VTCN1: variants seen among roughly 807,000 people sequenced by gnomAD.
The protein encoded by VTCN1 is V-set domain-containing T-cell activation inhibitor 1.
Under a neutral mutation model 26.5 loss-of-function variants are expected in VTCN1, and 26 were observed. That is an observed-to-expected ratio of 0.98 (90% confidence interval 0.72 to 1.36). The LOEUF is 1.36. Ranked by LOEUF, VTCN1 falls within the 40% of genes most tolerant of loss-of-function variation. The pLI is 0.00. For missense variants in VTCN1, 298 were observed against 337.7 expected (o/e 0.88, Z 0.92); for synonymous variants, 116 against 130.7 (o/e 0.89, Z 0.77).
rs1376205092 is a variant in VTCN1 at position 117,175,351 on chromosome 1, A to G, written c.33-5180T>C. On this transcript the variant is annotated intron_variant, in intron 1 of 5. Transcript: ENST00000369458. This position sits in a 1 kb window ranked among gnomAD's most constrained non-coding sequence, Gnocchi z 4.2. ...ACTTCAGGGGATATAAAAAATGCAC[A>G]GATATAATAAAATAAACACTCCCGC... is the stretch of plus-strand genomic sequence containing the variant. Among the ~76,000 whole-genome samples, 1 of 152,214 alleles carries G rather than the reference A, an allele frequency of 6.6e-6. No individual in the cohort carries two copies. The highest frequency in any genetic ancestry group is 2.4e-5 in the African/African-American group (1 of 41,448).
intron 1 of VTCN1, among the ~76,000 whole-genome samples, chr1:117,171,782 A>T (rs1379104375): frequency 1.3e-5 from 2 of 152,184 alleles, no homozygotes; most frequent in African/African-American, 4.8e-5. Flanking sequence ...ACACAGGGAG[A>T]TTAAGCATCT....
At chr1:117,199,876 C>CG (rs1345416415) in intron 1 of VTCN1, among the ~76,000 whole-genome samples, 3 of 152,092 alleles carry the variant, frequency 2.0e-5, no homozygotes, top group African/African-American at 7.2e-5. Flanking sequence ...CCTTGTGATC[C>CG]GCCCACCTCG....
intron 2 of VTCN1, among the ~76,000 whole-genome samples, chr1:117,163,709 T>C (rs1652479835): frequency 6.6e-6 from 1 of 152,176 alleles, no homozygotes; most frequent in African/African-American, 2.4e-5. Context: ...CCTGAGCCTA[T>C]GCCCTTTCTA....
intron 1 of VTCN1, among the ~76,000 whole-genome samples, chr1:117,192,778 A>G (rs1464987881): frequency 6.6e-6 from 1 of 152,166 alleles, no homozygotes; most frequent in Non-Finnish European, 1.5e-5. Context: ...ACAAAAGATA[A>G]AGAGAAATGA....
rs1652373826 is a variant in VTCN1, at chr1:117,161,599, G to C, written c.98-4678C>G. The stretch of plus-strand genomic sequence containing the variant: ...TAGTGCCTAGAGCTATGTTTCTGCA[G>C]AGAAAAATAATGTTTGCTGAGTTTA... On this transcript the variant is annotated intron_variant, in intron 2 of 5. Transcript: ENST00000369458. The surrounding 1 kb of genome is among the most constrained non-coding windows in gnomAD (Gnocchi z 4.3). Among the ~76,000 whole-genome samples, 1 of 152,118 alleles carries C rather than the reference G, an allele frequency of 6.6e-6. No homozygotes were observed. Among genetic ancestry groups the C allele is most frequent in the Non-Finnish European group, 1.5e-5 (1 of 68,014 alleles).
At chr1:117,171,568 T>A (rs116657627) in intron 1 of VTCN1, among the ~76,000 whole-genome samples, 4,954 of 152,306 alleles carry the variant, frequency 0.033, 271 homozygotes, top group African/African-American at 0.11. Context: ...TCCTCACCAA[T>A]TTTTAATGAA....
chr1:117,174,578 C>T (rs779241432), intron 1 of VTCN1, among the ~76,000 whole-genome samples: 1 of 152,138 alleles, frequency 6.6e-6, no homozygotes. Flanking sequence ...ACCAGCCCGG[C>T]CAACATGGTG....
intron 1 of VTCN1, among the ~76,000 whole-genome samples, chr1:117,173,027 C>A (rs1653006540): frequency 6.6e-6 from 1 of 152,160 alleles, no homozygotes; most frequent in Non-Finnish European, 1.5e-5. Flanking sequence ...TGCTGCTGCT[C>A]CCTCTTTGGG....
chr1:117,165,838 T>C (rs1486042233), intron 2 of VTCN1, among the ~76,000 whole-genome samples: 1 of 152,266 alleles, frequency 6.6e-6, no homozygotes, highest in Non-Finnish European at 1.5e-5. Context: ...CAATGTCTTA[T>C]ATATTAAACC....
intron 1 of VTCN1, among the ~76,000 whole-genome samples, chr1:117,208,112 A>T (rs182183585): frequency 1.7e-4 from 26 of 152,270 alleles, no homozygotes; most frequent in Non-Finnish European, 1.2e-4. Flanking sequence ...CACAAATCCC[A>T]GTTCTGAGTC....
intron 1 of VTCN1, among the ~76,000 whole-genome samples, chr1:117,176,063 C>G (rs777088792): frequency 1.1e-4 from 16 of 152,206 alleles, no homozygotes; most frequent in Admixed American, 2.0e-4. Context: ...AGCCACCATG[C>G]CTGGCCAGAG....
intron 2 of VTCN1, among the ~76,000 whole-genome samples, chr1:117,158,940 G>A (rs1349119490): frequency 6.6e-6 from 1 of 152,186 alleles, no homozygotes; most frequent in Admixed American, 6.5e-5. Flanking sequence ...CATAACAAGA[G>A]TCACCTTTAC....
chr1:117,158,220 T>C (rs1476371018), intron 2 of VTCN1, among the ~76,000 whole-genome samples: 7 of 152,206 alleles, frequency 4.6e-5, no homozygotes, highest in Non-Finnish European at 1.0e-4. Context: ...GGGGACTTTG[T>C]GTTGGGGCTC....
In VTCN1 at chr1:117,173,253, G is replaced by A. The variant is rs578127000; in HGVS notation, c.33-3082C>T. On this transcript the variant is annotated intron_variant, in intron 1 of 5. Coordinates refer to ENST00000369458, the MANE Select transcript of VTCN1 (RefSeq NM_024626.4). ...GAACCCACCAGAAGGAATAAATTCC[G>A]GACACAATTGCAGATGTAGTTAGTT... is the stretch of plus-strand genomic sequence containing the variant. 84 of 702,468 alleles carry A rather than the reference G, an allele frequency of 1.2e-4. 1 individual carries two copies. The highest frequency in any genetic ancestry group is 6.7e-4 in the African/African-American group (38 of 56,894). The allele number at this position is 702,468 out of a possible 1,614,324, so 43.5% of individuals were successfully genotyped here.
At chr1:117,208,241 G>A (rs1390471550) in intron 1 of VTCN1, among the ~76,000 whole-genome samples, 1 of 152,174 alleles carries the variant, frequency 6.6e-6, no homozygotes, top group Admixed American at 6.5e-5. Context: ...AACACACCAT[G>A]CTCATTCATG....
At chr1:117,170,426 T>C in intron 1 of VTCN1, 1 of 549,064 alleles carries the variant, frequency 1.8e-6, no homozygotes, top group Non-Finnish European at 3.5e-6. Flanking sequence ...ACTGTCCTAT[T>C]TCCAGATCAG....
At chr1:117,164,683 G>C (rs186744190) in intron 2 of VTCN1, among the ~76,000 whole-genome samples, 1 of 152,208 alleles carries the variant, frequency 6.6e-6, no homozygotes, top group Non-Finnish European at 1.5e-5. Flanking sequence ...TATACAGTTA[G>C]TGTGAGCGCT....
At chr1:117,189,002 G>A (rs1245753179) in intron 1 of VTCN1, among the ~76,000 whole-genome samples, 1 of 152,148 alleles carries the variant, frequency 6.6e-6, no homozygotes, top group African/African-American at 2.4e-5. Flanking sequence ...CTGTGGTCTA[G>A]GTTTTGGCAG....
At position 117,156,720 on chromosome 1, in the gene VTCN1, C is replaced by G; in HGVS notation, c.299G>C (p.Arg100Pro). Reference sequence around the variant, plus strand: ...CACTTGATCAGCAAACACTGCTGTCCGGCCTCTGAACATTTCATCCTGCTC... The same window carrying G: ...CACTTGATCAGCAAACACTGCTGTCGGGCCTCTGAACATTTCATCCTGCTC... ...LSEQDEMFRGRTAVFADQVIV... is the reference protein window; with the variant it reads ...LSEQDEMFRGPTAVFADQVIV... Residue 100 changes from arginine (R) to proline (P), a missense_variant, in exon 3 of 6, where the codon CGG becomes CCG. Arg to Pro is a moderately radical substitution (Grantham distance 103). Transcript: ENST00000369458. 6.2e-7 allele frequency: 1 copy of G among 1,614,144 alleles called. No homozygotes were observed. Among genetic ancestry groups the G allele is most frequent in the Non-Finnish European group, 8.5e-7 (1 of 1,180,026 alleles).
Sources: allele counts gnomAD v4.1 joint callset (sites outside exome capture counted in the v4.1 genomes callset), GRCh38; gene constraint gnomAD v4.1.1; non-coding constraint Gnocchi (gnomAD v3.1); transcripts MANE v1.5; gene names NCBI Gene and HGNC (gene_info 2026-07-23, HGNC 2026-07-21).